The following FNDC3B variants were observed in gnomAD, a reference collection of about 807,000 sequenced individuals.
FNDC3B encodes the protein fibronectin type III domain containing 3B.
Under a neutral mutation model 151.5 loss-of-function variants are expected in FNDC3B, and 12 were observed. That is an observed-to-expected ratio of 0.08 (90% confidence interval 0.05 to 0.13). FNDC3B has a LOEUF of 0.13. FNDC3B is among the 10% of genes least tolerant of loss of function. FNDC3B has a pLI of 1.00. For missense variants in FNDC3B, 1,214 were observed against 1,505.3 expected (o/e 0.81, Z 3.20); for synonymous variants, 528 against 549.0 (o/e 0.96, Z 0.54).
rs561648883 is a variant in FNDC3B at position 172,327,069 on chromosome 3, G to T, written c.1255-1883G>T. Among the ~76,000 whole-genome samples, 5 of 152,266 alleles carry T rather than the reference G, an allele frequency of 3.3e-5. No individual in the cohort carries two copies. The East Asian group carries it at 9.7e-4, about 29-fold the overall frequency. ...CCCATAGAGTGTGATCGGATGCTGGGTGTAATTATTCAAGTGTATGCATTT... is the reference window on the plus strand; with the variant it reads ...CCCATAGAGTGTGATCGGATGCTGGTTGTAATTATTCAAGTGTATGCATTT... On this transcript the variant is annotated intron_variant, in intron 11 of 25. Coordinates refer to ENST00000415807, the MANE Select transcript of FNDC3B (RefSeq NM_022763.4).
intron 6 of FNDC3B, among the ~76,000 whole-genome samples, chr3:172,281,926 A>T (rs11715449): frequency 6.6e-6 from 1 of 152,144 alleles, no homozygotes; most frequent in Non-Finnish European, 1.5e-5. Context: ...AACAAAAAAA[A>T]AGAAAACATG....
intron 5 of FNDC3B, among the ~76,000 whole-genome samples, chr3:172,250,723 AAC>A (rs1280264869): frequency 3.3e-5 from 5 of 152,356 alleles, no homozygotes; most frequent in South Asian, 4.1e-4. Context: ...AATTTTTCTG[AAC>A]ACACAGTGTA....
At chr3:172,084,351 A>G (rs1718438773) in intron 1 of FNDC3B, among the ~76,000 whole-genome samples, 1 of 152,032 alleles carries the variant, frequency 6.6e-6, no homozygotes, top group African/African-American at 2.4e-5. Context: ...TTCGGGAGGC[A>G]GAGGTCGGGG....
intron 2 of FNDC3B, among the ~76,000 whole-genome samples, chr3:172,130,009 G>A (rs1260601668): frequency 2.0e-5 from 3 of 151,300 alleles, no homozygotes; most frequent in Non-Finnish European, 4.4e-5. Context: ...GGAGGGAGGG[G>A]GAGAGAGAGA....
intron 1 of FNDC3B, among the ~76,000 whole-genome samples, chr3:172,043,162 CCGCCT>C (rs760634844): frequency 2.0e-5 from 3 of 152,236 alleles, no homozygotes; most frequent in Non-Finnish European, 2.9e-5. Flanking sequence ...GGTGATCCAC[CCGCCT>C]CGGGCTCCCA....
At chr3:172,363,852 A>G (rs2108345122) in intron 23 of FNDC3B, among the ~76,000 whole-genome samples, 1 of 152,328 alleles carries the variant, frequency 6.6e-6, no homozygotes, top group African/African-American at 2.4e-5. Flanking sequence ...CTCTAGAAGC[A>G]TAGTATCAAT....
intron 3 of FNDC3B, among the ~76,000 whole-genome samples, chr3:172,161,430 T>A (rs1722761247): frequency 6.6e-6 from 1 of 152,222 alleles, no homozygotes; most frequent in Admixed American, 6.5e-5. Flanking sequence ...CATGCATATA[T>A]GATTTAGAGC....
chr3:172,348,513 T>G lies in FNDC3B; in HGVS notation c.2514+1152T>G, dbSNP rs2108318263. Reference sequence around the variant, plus strand: ...GTGATGCTGAGTCACTGGGGAAAGGTTAAATTATGTGCCACACTCTTGTTT... The same window carrying G: ...GTGATGCTGAGTCACTGGGGAAAGGGTAAATTATGTGCCACACTCTTGTTT... On this transcript the variant is annotated intron_variant, in intron 21 of 25. Transcript: ENST00000415807. Among the ~76,000 whole-genome samples, 3 of 152,254 alleles carry G rather than the reference T, an allele frequency of 2.0e-5. No individual in the cohort carries two copies. In the South Asian group the frequency reaches 6.2e-4, roughly 32 times the overall value.
intron 21 of FNDC3B, among the ~76,000 whole-genome samples, chr3:172,348,951 A>G (rs967597480): frequency 6.6e-6 from 1 of 152,168 alleles, no homozygotes; most frequent in African/African-American, 2.4e-5. Flanking sequence ...ACATGATTAC[A>G]AAGTCAAGTT....
At chr3:172,374,611 T>C (rs1012556573) in intron 23 of FNDC3B, among the ~76,000 whole-genome samples, 5 of 152,118 alleles carry the variant, frequency 3.3e-5, no homozygotes, top group Non-Finnish European at 5.9e-5. Flanking sequence ...GCCAGGCTGG[T>C]CTCGAAATCC....
intron 7 of FNDC3B, among the ~76,000 whole-genome samples, chr3:172,293,258 G>A (rs2108837604): frequency 6.6e-6 from 1 of 152,266 alleles, no homozygotes. Context: ...AAGTCCCAGG[G>A]GTGTGAGAGA....
chr3:172,302,372 A>G (rs185983663), intron 9 of FNDC3B: 5 of 152,314 alleles, frequency 3.3e-5, no homozygotes, highest in Admixed American at 6.5e-5. Flanking sequence ...CTGGGAATAT[A>G]TTGAGACTAG....
intron 3 of FNDC3B, among the ~76,000 whole-genome samples, chr3:172,151,406 T>C (rs1722211706): frequency 6.6e-6 from 1 of 152,242 alleles, no homozygotes; most frequent in Non-Finnish European, 1.5e-5. Flanking sequence ...TAACTTTATA[T>C]GGAAACTATT....
chr3:172,356,171 G>A (rs525983), intron 22 of FNDC3B, among the ~76,000 whole-genome samples: 65,482 of 151,966 alleles, frequency 0.43, 15,902 homozygotes, highest in Non-Finnish European at 0.56. Flanking sequence ...GTCATAACAA[G>A]GTGAGATGGG....
At chr3:172,157,687 C>G (rs1218693219) in intron 3 of FNDC3B, among the ~76,000 whole-genome samples, 1 of 152,152 alleles carries the variant, frequency 6.6e-6, no homozygotes, top group Admixed American at 6.5e-5. Context: ...AGCCTAATTT[C>G]TTTGAGATCC....
intron 3 of FNDC3B, among the ~76,000 whole-genome samples, chr3:172,139,172 G>T (rs907789457): frequency 6.6e-6 from 1 of 151,810 alleles, no homozygotes; most frequent in East Asian, 1.9e-4. Flanking sequence ...GGACCTTAAC[G>T]TTGCTTTTTT....
chr3:172,232,194 A>G (rs764856328), intron 4 of FNDC3B, among the ~76,000 whole-genome samples: 2 of 152,092 alleles, frequency 1.3e-5, no homozygotes, highest in African/African-American at 4.8e-5. Context: ...ATGGTCTTTA[A>G]TTGTAAGAAA....
intron 25 of FNDC3B, among the ~76,000 whole-genome samples, chr3:172,381,362 A>C (rs1444592294): frequency 3.3e-5 from 5 of 152,142 alleles, no homozygotes; most frequent in African/African-American, 1.2e-4. Context: ...TTTGACATTG[A>C]TGGTGAGGTT....
chr3:172,347,901 C>A (rs1034602472), intron 21 of FNDC3B, among the ~76,000 whole-genome samples: 1 of 152,168 alleles, frequency 6.6e-6, no homozygotes, highest in African/African-American at 2.4e-5. Context: ...AGAATAACAT[C>A]AAGAAAAATT....
Sources: gnomAD v4.1 joint callset for allele counts (sites outside exome capture counted in the v4.1 genomes callset) on GRCh38, gnomAD v4.1.1 for gene constraint, MANE v1.5 for transcripts, NCBI Gene and HGNC (gene_info 2026-07-23, HGNC 2026-07-21) for gene names.